The following GFRA3 variants were observed in gnomAD, a reference collection of about 807,000 sequenced individuals.
The protein encoded by GFRA3 is GDNF family receptor alpha-3.
A neutral mutation model predicts 40.0 loss-of-function variants in GFRA3; 24 were observed. The observed-to-expected ratio is 0.60, with a 90% CI of 0.43 to 0.84. GFRA3 has a LOEUF of 0.84. GFRA3 is among the 40% of genes least tolerant of loss of function. The probability of loss-of-function intolerance (pLI) is 0.00; values close to 1 mark genes in which losing one functional copy is unlikely to be tolerated. For missense variants in GFRA3, 405 were observed against 530.6 expected (o/e 0.76, Z 2.33); for synonymous variants, 203 against 213.5 (o/e 0.95, Z 0.43).
intron 4 of GFRA3, among the ~76,000 whole-genome samples, chr5:138,255,105 A>AGAAG (rs1755608985): frequency 6.6e-6 from 1 of 151,446 alleles, no homozygotes; most frequent in African/African-American, 2.4e-5. Flanking sequence ...GAGGAAGGAA[A>AGAAG]GAAGGAAGGA....
At chr5:138,260,075 T>C (rs1274154601) in intron 2 of GFRA3, among the ~76,000 whole-genome samples, 1 of 152,124 alleles carries the variant, frequency 6.6e-6, no homozygotes, top group Non-Finnish European at 1.5e-5. Flanking sequence ...AACTGTATTA[T>C]TGTTTCCAAT....
chr5:138,261,262 GC>G (rs1755705923), intron 2 of GFRA3, among the ~76,000 whole-genome samples: 1 of 152,198 alleles, frequency 6.6e-6, no homozygotes, highest in Non-Finnish European at 1.5e-5. Context: ...AAGCTGAGAA[GC>G]AGAAGTTTAC....
At chr5:138,258,025 GGAAA>G in intron 3 of GFRA3, 74 bp from the exon 4 acceptor site, 1 of 1,205,790 alleles carries the variant, frequency 8.3e-7, no homozygotes, top group Non-Finnish European at 1.2e-6. Flanking sequence ...CAGGAACCCC[GGAAA>G]CCCCTGATTT....
At chr5:138,255,694 T>C (rs1322360800) in intron 4 of GFRA3, among the ~76,000 whole-genome samples, 1 of 150,586 alleles carries the variant, frequency 6.6e-6, no homozygotes, top group Non-Finnish European at 1.5e-5. Context: ...AGCTCAGGAG[T>C]TCAACACTGG....
chr5:138,271,056 G>T (rs1220989775), intron 1 of GFRA3, among the ~76,000 whole-genome samples: 1 of 151,572 alleles, frequency 6.6e-6, no homozygotes. Context: ...GCAGTGGCGC[G>T]ATCTCGGCTC....
rs1416849716 is a variant in GFRA3, at chr5:138,272,513, C to T, written c.91+1821G>A. 3.3e-5 allele frequency among the ~76,000 whole-genome samples: 5 copies of T among 150,136 alleles called. No homozygotes were observed. In the East Asian group the frequency reaches 7.9e-4, roughly 24 times the overall value. On this transcript the variant is annotated intron_variant, in intron 1 of 7. Transcript: ENST00000274721. ...CAAAAATTAACCAGGTGTGGTGGCACACTACTACAGTCCCAGCTACTGGGG... is the reference window on the plus strand; with the variant it reads ...CAAAAATTAACCAGGTGTGGTGGCATACTACTACAGTCCCAGCTACTGGGG...
chr5:138,265,277 C>T (rs186385051), intron 1 of GFRA3, among the ~76,000 whole-genome samples: 214 of 128,814 alleles, frequency 1.7e-3, no homozygotes, highest in Middle Eastern at 0.012. Context: ...AGTGCAATGG[C>T]GTGATCTTGG....
intron 3 of GFRA3, 45 bp from the exon 4 acceptor site, chr5:138,257,996 G>T (rs1286741199): frequency 8.0e-6 from 12 of 1,507,520 alleles, no homozygotes; most frequent in African/African-American, 1.4e-5. Context: ...CCCTCTGCAC[G>T]CCTGCACCCC....
chr5:138,259,274 C>T (rs1377507142), intron 3 of GFRA3, among the ~76,000 whole-genome samples: 1 of 152,242 alleles, frequency 6.6e-6, no homozygotes, highest in Non-Finnish European at 1.5e-5. Flanking sequence ...GGGGCTGCTG[C>T]CACTCCCACC....
chr5:138,267,244 T>C (rs954526324), intron 1 of GFRA3: 2 of 143,292 alleles, frequency 1.4e-5, no homozygotes, highest in Non-Finnish European at 3.0e-5. Context: ...CAGGTTGGAG[T>C]GCAGTGGCAT....
intron 1 of GFRA3, among the ~76,000 whole-genome samples, chr5:138,272,650 A>AT (rs1755893064): frequency 6.6e-6 from 1 of 151,598 alleles, no homozygotes; most frequent in African/African-American, 2.4e-5. Flanking sequence ...CTCAAAAAAA[A>AT]AATCAGATTT....
chr5:138,271,860 G>A (rs1241144119), intron 1 of GFRA3, among the ~76,000 whole-genome samples: 3 of 141,644 alleles, frequency 2.1e-5, no homozygotes, highest in African/African-American at 8.3e-5. Flanking sequence ...TTATAGGCGT[G>A]AGCCACCATT....
chr5:138,255,944 C>T (rs183813035), intron 4 of GFRA3, among the ~76,000 whole-genome samples: 187 of 150,008 alleles, frequency 1.2e-3, no homozygotes, highest in Admixed American at 2.5e-3. Flanking sequence ...AAAAACCAAT[C>T]TGGCTGGGCA....
At chr5:138,271,026 CTT>C (rs1313981592) in intron 1 of GFRA3, among the ~76,000 whole-genome samples, 1 of 151,826 alleles carries the variant, frequency 6.6e-6, no homozygotes, top group South Asian at 2.1e-4. Flanking sequence ...GAGTTTTGCT[CTT>C]GTTACCCAGG....
chr5:138,260,137 T>C (rs1349338894), intron 2 of GFRA3, among the ~76,000 whole-genome samples: 1 of 152,198 alleles, frequency 6.6e-6, no homozygotes, highest in Non-Finnish European at 1.5e-5. Flanking sequence ...TGTTGCCATG[T>C]AACTTTCACA....
chr5:138,254,469 G>A (rs1755598439), intron 4 of GFRA3, among the ~76,000 whole-genome samples: 3 of 152,116 alleles, frequency 2.0e-5, no homozygotes, highest in Admixed American at 1.3e-4. Flanking sequence ...TTACAGGTAT[G>A]AGCCACTGCA....
At chr5:138,257,299 C>T (rs1755645854) in intron 4 of GFRA3, among the ~76,000 whole-genome samples, 1 of 152,074 alleles carries the variant, frequency 6.6e-6, no homozygotes, top group Non-Finnish European at 1.5e-5. Flanking sequence ...AAGTAAGACA[C>T]AAATACATTC....
At chr5:138,265,366 G>A (rs1009455294) in intron 1 of GFRA3, among the ~76,000 whole-genome samples, 13 of 151,978 alleles carry the variant, frequency 8.6e-5, no homozygotes, top group African/African-American at 2.7e-4. Flanking sequence ...ACAGGCGTGC[G>A]CCATCACACG....
intron 2 of GFRA3, among the ~76,000 whole-genome samples, chr5:138,260,505 A>C (rs1308275848): frequency 2.6e-5 from 4 of 152,352 alleles, no homozygotes; most frequent in Non-Finnish European, 4.4e-5. Flanking sequence ...ACGGTGGCTC[A>C]CACCTGTAAT....
Sources: gnomAD v4.1 joint callset for allele counts (sites outside exome capture counted in the v4.1 genomes callset) on GRCh38, gnomAD v4.1.1 for gene constraint, MANE v1.5 for transcripts, NCBI Gene and HGNC (gene_info 2026-07-23, HGNC 2026-07-21) for gene names.